Variants in SDK1 observed in about 807,000 individuals in gnomAD.
SDK1 encodes the protein sidekick cell adhesion molecule 1, also known as protein sidekick-1.
A neutral mutation model predicts 245.5 loss-of-function variants in SDK1; 157 were observed. That is an observed-to-expected ratio of 0.64 (90% CI 0.56 to 0.73). The LOEUF is 0.73. Among genes scored for constraint, SDK1 ranks in the 30% least tolerant of loss-of-function variants. SDK1 has a pLI of 0.00. For missense variants in SDK1, 3,583 were observed against 3,002.3 expected, an observed-to-expected ratio of 1.19 and a Z score of -4.52; for synonymous variants, 1,647 against 1,278.5, an observed-to-expected ratio of 1.29 and a Z score of -6.15.
intron 44 of SDK1, among the ~76,000 whole-genome samples, chr7:4,253,671 A>G (rs1431449496): frequency 1.3e-5 from 2 of 152,006 alleles, no homozygotes; most frequent in Admixed American, 1.3e-4. Flanking sequence ...TGTTGTTTCC[A>G]TCTTCTGTAT....
chr7:4,226,860 A>G (rs1785477238), intron 40 of SDK1, among the ~76,000 whole-genome samples: 1 of 152,254 alleles, frequency 6.6e-6, no homozygotes. Flanking sequence ...AAGGAACTAT[A>G]AATATATTTT....
intron 30 of SDK1, among the ~76,000 whole-genome samples, chr7:4,152,753 T>C (rs1244132389): frequency 6.6e-6 from 1 of 152,260 alleles, no homozygotes; most frequent in East Asian, 1.9e-4. Flanking sequence ...TTAATAATCC[T>C]GACAGCTACA....
intron 12 of SDK1, among the ~76,000 whole-genome samples, chr7:3,971,930 C>T (rs895239016): frequency 6.6e-6 from 1 of 152,054 alleles, no homozygotes; most frequent in Non-Finnish European, 1.5e-5. Context: ...GGGGGCTGTG[C>T]CACTCCCGGG....
intron 32 of SDK1, among the ~76,000 whole-genome samples, chr7:4,164,664 A>T (rs1002860238): frequency 5.9e-5 from 9 of 152,170 alleles, no homozygotes; most frequent in African/African-American, 2.2e-4. Flanking sequence ...CAGGGCTGGG[A>T]TGCGTCACCT....
chr7:4,064,859 G>A (rs1055178280), intron 19 of SDK1, among the ~76,000 whole-genome samples: 34 of 152,068 alleles, frequency 2.2e-4, no homozygotes, highest in African/African-American at 8.0e-4. Context: ...CCAATCTCAT[G>A]GAGATAAGAG....
intron 4 of SDK1, among the ~76,000 whole-genome samples, chr7:3,685,386 G>A (rs1445265688): frequency 2.0e-5 from 3 of 152,078 alleles, no homozygotes; most frequent in Non-Finnish European, 4.4e-5. Flanking sequence ...AAAATGAAAG[G>A]AAAATCAAGA....
intron 43 of SDK1, 45 bp from the exon 44 acceptor site, chr7:4,245,631 C>T (rs752907577): frequency 2.8e-5 from 44 of 1,599,436 alleles, no homozygotes; most frequent in East Asian, 2.0e-4. Flanking sequence ...CGGGGAAGGG[C>T]GTCTTTTGCC....
At chr7:3,913,229 T>C (rs1482690616) in intron 5 of SDK1, among the ~76,000 whole-genome samples, 1 of 151,820 alleles carries the variant, frequency 6.6e-6, no homozygotes, top group East Asian at 1.9e-4. Flanking sequence ...TCTAGATGGC[T>C]CCCGGTCTTC....
chr7:4,088,669 C>A (rs1476456418), intron 22 of SDK1, among the ~76,000 whole-genome samples: 1 of 151,978 alleles, frequency 6.6e-6, no homozygotes, highest in Non-Finnish European at 1.5e-5. Flanking sequence ...TTCACACTGC[C>A]CTTCTGTTTC....
In SDK1 at chr7:3,878,061, C is replaced by T. The variant is rs1382817415; in HGVS notation, c.847+56478C>T. 3.3e-5 allele frequency among the ~76,000 whole-genome samples: 5 copies of T among 152,322 alleles called. No individual in the cohort carries two copies. In the South Asian group the frequency reaches 1.0e-3, roughly 32 times the overall value. ...AAGGCTGTTCTAAGTTGTACATACT[C>T]CCATTAAAGCATATGTAATGTCCCT... is the stretch of plus-strand genomic sequence containing the variant. On this transcript the variant is annotated intron_variant, in intron 5 of 44. Transcript: ENST00000404826.
In SDK1 at chr7:4,267,210, C is replaced by T; in HGVS notation, c.*1826C>T. ...TTCCCCTCCTTCCTTTCCTTTACCCCTCCTTTCCTTCCTTCCTCCCTTCCT... is the reference window on the plus strand; with the variant it reads ...TTCCCCTCCTTCCTTTCCTTTACCCTTCCTTTCCTTCCTTCCTCCCTTCCT... On this transcript the variant is annotated 3_prime_UTR_variant, in exon 45 of 45. Coordinates refer to ENST00000404826, the MANE Select transcript of SDK1 (RefSeq NM_152744.4). 2 of 922,344 alleles carry T rather than the reference C, an allele frequency of 2.2e-6. No homozygotes were observed. The highest frequency in any genetic ancestry group is 2.6e-6 in the Non-Finnish European group (2 of 773,076). 57.1% of individuals were successfully genotyped at this position (922,344 alleles called of 1,614,324 possible). A position where few individuals can be genotyped will look rare whatever the true frequency, so the allele number is the denominator to read the frequency against.
intron 32 of SDK1, among the ~76,000 whole-genome samples, chr7:4,168,527 C>T (rs185374699): frequency 2.3e-4 from 35 of 152,324 alleles, no homozygotes; most frequent in Admixed American, 3.3e-4. Context: ...TTTTATTTTC[C>T]CAACCTCCTA....
chr7:3,410,544 T>C (rs1055026216), intron 1 of SDK1, among the ~76,000 whole-genome samples: 2 of 151,434 alleles, frequency 1.3e-5, no homozygotes, highest in East Asian at 1.9e-4. Flanking sequence ...CTGCCAAAGG[T>C]TGCATAACTC....
intron 22 of SDK1, among the ~76,000 whole-genome samples, chr7:4,106,413 C>T (rs1187013517): frequency 1.3e-5 from 2 of 151,878 alleles, no homozygotes; most frequent in African/African-American, 4.8e-5. Context: ...ATGCCATTCT[C>T]CTGCCTCAGC....
At chr7:3,982,478 C>T (rs1583719285) in intron 13 of SDK1, among the ~76,000 whole-genome samples, 1 of 152,142 alleles carries the variant, frequency 6.6e-6, no homozygotes, top group African/African-American at 2.4e-5. Context: ...GATGATAATT[C>T]CTCTGATGGA....
intron 1 of SDK1, among the ~76,000 whole-genome samples, chr7:3,507,242 C>G (rs905053605): frequency 1.3e-5 from 2 of 152,126 alleles, no homozygotes; most frequent in Non-Finnish European, 2.9e-5. Flanking sequence ...TTTGTGTTGT[C>G]TCTTGAAATC....
At chr7:3,484,601 C>T (rs1342885724) in intron 1 of SDK1, among the ~76,000 whole-genome samples, 1 of 152,180 alleles carries the variant, frequency 6.6e-6, no homozygotes, top group African/African-American at 2.4e-5. Context: ...AACACTAGAA[C>T]TTATTCCTTT....
intron 40 of SDK1, among the ~76,000 whole-genome samples, chr7:4,231,781 G>A (rs534728739): frequency 1.1e-4 from 16 of 152,302 alleles, no homozygotes; most frequent in Admixed American, 9.2e-4. Flanking sequence ...AATACAGACA[G>A]ATACAATAGC....
chr7:3,781,138 G>C (rs996669449), intron 4 of SDK1, among the ~76,000 whole-genome samples: 3 of 152,014 alleles, frequency 2.0e-5, no homozygotes, highest in Non-Finnish European at 2.9e-5. Flanking sequence ...ATAGCCTCTG[G>C]TCTGCTTGTC....
Sources: gnomAD v4.1 joint callset for allele counts (sites outside exome capture counted in the v4.1 genomes callset) on GRCh38, gnomAD v4.1.1 for gene constraint, MANE v1.5 for transcripts, NCBI Gene and HGNC (gene_info 2026-07-23, HGNC 2026-07-21) for gene names.